SLC9C1: variants seen among roughly 807,000 people sequenced by gnomAD.
The protein encoded by SLC9C1 is sodium/hydrogen exchanger 10.
In SLC9C1, 97 loss-of-function variants were observed where a neutral mutation model predicts 140.9. The observed-to-expected ratio is 0.69, with a 90% CI of 0.58 to 0.82. SLC9C1 has a LOEUF of 0.82. Among genes scored for constraint, SLC9C1 ranks in the 40% least tolerant of loss-of-function variants. The pLI, the probability that SLC9C1 is intolerant of heterozygous loss-of-function variation, is 0.00. For missense variants in SLC9C1, 1,340 were observed against 1,389.3 expected, an observed-to-expected ratio of 0.96 and a Z score of 0.56; for synonymous variants, 440 against 442.6, an observed-to-expected ratio of 0.99 and a Z score of 0.07.
chr3:112,150,948 C>T (rs745939243), intron 28 of SLC9C1, among the ~76,000 whole-genome samples: 1 of 150,794 alleles, frequency 6.6e-6, no homozygotes, highest in Non-Finnish European at 1.5e-5. Context: ...AGCGATTCTC[C>T]TGCCTCAGCC....
chr3:112,283,656 G>A (rs4299459), intron 2 of SLC9C1, among the ~76,000 whole-genome samples: 89,911 of 151,742 alleles, frequency 0.59, 26,989 homozygotes, highest in East Asian at 0.8. Context: ...TGAACTCATA[G>A]GCAGTTTTGC....
rs761091286 is a variant in SLC9C1 at position 112,204,327 on chromosome 3, A to T, written c.2063T>A (p.Leu688Ter). 1.9e-6 allele frequency: 3 copies of T among 1,574,326 alleles called. No individual in the cohort carries two copies. Among genetic ancestry groups the T allele is most frequent in the Non-Finnish European group, 2.6e-6 (3 of 1,166,246 alleles). ...GTCTATTTCAATAAGTATTACATGT[A>T]AGATGCCAATTAATGTAATTGCTAA... ...FELAITLIGI[L>*]HVILIEIDTI... Residue 688 changes from leucine (L) to a stop codon, truncating the protein, a stop_gained, in exon 17 of 29, where the codon TTA (leucine) becomes TAA (stop). Transcript: ENST00000305815. LOFTEE classifies it high-confidence loss of function.
intron 10 of SLC9C1, among the ~76,000 whole-genome samples, chr3:112,248,167 A>G (rs1057276267): frequency 6.6e-6 from 1 of 152,178 alleles, no homozygotes; most frequent in African/African-American, 2.4e-5. Flanking sequence ...CCAAGAGTCA[A>G]CAAGAAACTA....
rs1171067086 is a variant in SLC9C1, at chr3:112,230,259, TG to T, written c.1572+1101del. On this transcript the variant is annotated intron_variant, in intron 13 of 28. Coordinates refer to ENST00000305815, the MANE Select transcript of SLC9C1 (RefSeq NM_183061.3). The stretch of plus-strand genomic sequence containing the variant: ...TCGGTATATTTAGAAAGCCTGCCTT[TG>T]TTTTTGCCTCAGAAGCTGTTCATAG... 3.3e-5 allele frequency among the ~76,000 whole-genome samples: 5 copies of T among 152,340 alleles called. No individual in the cohort carries two copies. In the East Asian group the frequency reaches 5.8e-4, roughly 18 times the overall value.
intron 23 of SLC9C1, among the ~76,000 whole-genome samples, chr3:112,175,817 G>A (rs576741114): frequency 2.6e-5 from 4 of 152,324 alleles, no homozygotes; most frequent in South Asian, 2.1e-4. Flanking sequence ...CAGTGGTTGA[G>A]GCTGTGAAAC....
intron 12 of SLC9C1, among the ~76,000 whole-genome samples, chr3:112,238,458 G>T (rs1350813568): frequency 2.0e-5 from 3 of 152,130 alleles, no homozygotes; most frequent in Non-Finnish European, 4.4e-5. Flanking sequence ...CTCTCAACTC[G>T]TCATATTCAT....
At chr3:112,175,930 A>T (rs2077328278) in intron 23 of SLC9C1, among the ~76,000 whole-genome samples, 1 of 152,186 alleles carries the variant, frequency 6.6e-6, no homozygotes, top group Non-Finnish European at 1.5e-5. Flanking sequence ...GGGTCTTATC[A>T]TGTGATGTAC....
chr3:112,141,323 T>C (rs748603365), intron 28 of SLC9C1, 42 bp from the exon 29 acceptor site: 29 of 1,563,134 alleles, frequency 1.9e-5, no homozygotes, highest in African/African-American at 2.8e-5. Flanking sequence ...TAGAGGGCTT[T>C]TGAATCTTTC....
At chr3:112,238,084 T>G (rs2079040544) in intron 12 of SLC9C1, among the ~76,000 whole-genome samples, 1 of 152,262 alleles carries the variant, frequency 6.6e-6, no homozygotes, top group Non-Finnish European at 1.5e-5. Flanking sequence ...CTCGTCACTT[T>G]CAGGTATACC....
intron 13 of SLC9C1, among the ~76,000 whole-genome samples, chr3:112,223,651 A>T (rs2078602856): frequency 6.6e-6 from 1 of 151,986 alleles, no homozygotes; most frequent in Non-Finnish European, 1.5e-5. Context: ...AAAAGAAAGA[A>T]ATTAAACAGC....
intron 26 of SLC9C1, among the ~76,000 whole-genome samples, chr3:112,158,178 G>T (rs1459206671): frequency 2.0e-5 from 3 of 151,802 alleles, no homozygotes; most frequent in Non-Finnish European, 2.9e-5. Context: ...CATTTATTGT[G>T]TTGAGGTATG....
intron 26 of SLC9C1, among the ~76,000 whole-genome samples, chr3:112,165,025 T>A (rs1268759315): frequency 1.1e-4 from 17 of 152,378 alleles, no homozygotes; most frequent in Non-Finnish European, 1.8e-4. Flanking sequence ...ATTCATTTGA[T>A]CTTCCATCAC....
chr3:112,275,167 T>A (rs1019371360), intron 5 of SLC9C1, 142 bp from the exon 6 acceptor site: 43 of 845,222 alleles, frequency 5.1e-5, no homozygotes, highest in Admixed American at 4.3e-4. Flanking sequence ...ACAATCATAA[T>A]TGGCACTAAA....
intron 12 of SLC9C1, among the ~76,000 whole-genome samples, chr3:112,233,026 T>TACACACACACAC (rs60551268): frequency 1.5e-3 from 200 of 134,400 alleles, no homozygotes; most frequent in Non-Finnish European, 2.3e-3. Flanking sequence ...TTCACTTTCA[T>TACACACACACAC]ACACACACAC....
At chr3:112,146,295 T>G (rs990877919) in intron 28 of SLC9C1, among the ~76,000 whole-genome samples, 5 of 152,178 alleles carry the variant, frequency 3.3e-5, no homozygotes, top group Non-Finnish European at 7.3e-5. Flanking sequence ...TGTGTGGACT[T>G]TTATGTCTTA....
chr3:112,208,291 TATTC>T lies in SLC9C1; in HGVS notation c.1869_1872del (p.Met623IlefsTer6). On this transcript the variant is annotated frameshift_variant, in exon 16 of 29. Coordinates refer to ENST00000305815, the MANE Select transcript of SLC9C1 (RefSeq NM_183061.3). LOFTEE classifies it high-confidence loss of function. ...ATCCAAGAGATTATAAAGGGAAATATATTCATTAATATCACAAGGTATCCAACAT... is the reference window on the plus strand; with the variant it reads ...ATCCAAGAGATTATAAAGGGAAATATATTAATATCACAAGGTATCCAACAT... 1 of 1,609,600 alleles carries T rather than the reference TATTC, an allele frequency of 6.2e-7. No homozygotes were observed. Among genetic ancestry groups the T allele is most frequent in the Non-Finnish European group, 8.5e-7 (1 of 1,176,698 alleles).
intron 20 of SLC9C1, among the ~76,000 whole-genome samples, chr3:112,198,964 T>A (rs1256792782): frequency 6.6e-6 from 1 of 151,698 alleles, no homozygotes; most frequent in Non-Finnish European, 1.5e-5. Context: ...TACAATTGAG[T>A]GTTCTCATAA....
intron 15 of SLC9C1, among the ~76,000 whole-genome samples, chr3:112,209,309 G>C (rs2078138856): frequency 6.6e-6 from 1 of 152,174 alleles, no homozygotes; most frequent in African/African-American, 2.4e-5. Context: ...TCTGTGATGG[G>C]AGCTGCAGAG....
chr3:112,243,966 C>A (rs760151747), intron 11 of SLC9C1, 29 bp downstream of exon 11: 5 of 1,440,990 alleles, frequency 3.5e-6, no homozygotes, highest in African/African-American at 1.4e-5. Context: ...GTTTTTCTCT[C>A]CACAGGAATA....
Sources: gnomAD v4.1 joint callset for allele counts (sites outside exome capture counted in the v4.1 genomes callset) on GRCh38, gnomAD v4.1.1 for gene constraint, MANE v1.5 for transcripts, NCBI Gene and HGNC (gene_info 2026-07-23, HGNC 2026-07-21) for gene names.